SLC49A4: variants seen among roughly 807,000 people sequenced by gnomAD.
SLC49A4 encodes the protein solute carrier family 49 member 4.
SLC49A4 carries 36 observed loss-of-function variants against 50.6 expected under a neutral mutation model. The observed-to-expected ratio is 0.71, with a 90% CI of 0.55 to 0.94. The LOEUF (loss-of-function observed/expected upper bound fraction) is 0.94, where lower values mean the gene tolerates loss of function less well. Among genes scored for constraint, SLC49A4 ranks in the 40% least tolerant of loss-of-function variants. The probability of loss-of-function intolerance (pLI) is 0.00; values close to 1 mark genes in which losing one functional copy is unlikely to be tolerated. For synonymous variants in SLC49A4, 248 were observed against 241.2 expected, an observed-to-expected ratio of 1.03 and a Z score of -0.26; for missense variants, 503 against 605.7, an observed-to-expected ratio of 0.83 and a Z score of 1.78.
chr3:122,863,484 G>A (rs1403082448), intron 7 of SLC49A4, among the ~76,000 whole-genome samples: 4 of 152,172 alleles, frequency 2.6e-5, no homozygotes, highest in Admixed American at 2.6e-4. Flanking sequence ...AAGGTAGAAG[G>A]GCATGTTTTA....
chr3:122,823,389 G>T (rs982794730), intron 2 of SLC49A4, among the ~76,000 whole-genome samples: 2 of 152,238 alleles, frequency 1.3e-5, no homozygotes, highest in African/African-American at 4.8e-5. Context: ...GACATGCAGA[G>T]ACCTCCATCT....
intron 2 of SLC49A4, among the ~76,000 whole-genome samples, chr3:122,823,744 G>T (rs776577618): frequency 3.4e-4 from 51 of 152,036 alleles, no homozygotes; most frequent in Non-Finnish European, 5.3e-4. Flanking sequence ...TCTCTAATTT[G>T]CATTCCTATT....
At chr3:122,815,596 C>T (rs954726999) in intron 2 of SLC49A4, among the ~76,000 whole-genome samples, 1 of 152,194 alleles carries the variant, frequency 6.6e-6, no homozygotes, top group Non-Finnish European at 1.5e-5. Flanking sequence ...CCATGCACTC[C>T]CCTCTTCCCA....
chr3:122,844,571 C>T (rs941691377), intron 4 of SLC49A4, among the ~76,000 whole-genome samples: 1 of 152,150 alleles, frequency 6.6e-6, no homozygotes, highest in Non-Finnish European at 1.5e-5. Flanking sequence ...CATCTGAGGT[C>T]AGGAGTTCGA....
chr3:122,856,633 T>TC (rs1247867916), intron 6 of SLC49A4, among the ~76,000 whole-genome samples: 2 of 151,944 alleles, frequency 1.3e-5, no homozygotes, highest in Non-Finnish European at 1.5e-5. Flanking sequence ...GGTCAGGAGT[T>TC]CAAGACCAGC....
chr3:122,845,568 T>C (rs1936835410), intron 4 of SLC49A4, among the ~76,000 whole-genome samples, 195 bp from the exon 5 acceptor site: 1 of 151,718 alleles, frequency 6.6e-6, no homozygotes, highest in Non-Finnish European at 1.5e-5. Context: ...CAACCAGCAG[T>C]ATATATGCGT....
chr3:122,843,532 A>T (rs1936804275), intron 4 of SLC49A4, among the ~76,000 whole-genome samples: 1 of 152,268 alleles, frequency 6.6e-6, no homozygotes, highest in Middle Eastern at 3.2e-3. Context: ...TTAAATTTTC[A>T]ATTATCTCAT....
rs1305058598 is a variant in SLC49A4 at position 122,795,164 on chromosome 3, G to A, written c.-29G>A. 37 of 1,312,838 alleles carry A rather than the reference G, an allele frequency of 2.8e-5. No homozygotes were observed. Among genetic ancestry groups the A allele is most frequent in the Non-Finnish European group, 3.3e-5 (34 of 1,040,244 alleles). The allele number at this position is 1,312,838 out of a possible 1,614,324, so 81.3% of individuals were successfully genotyped here. ...GTCGGCGGTGACCCGGACTGCGCCC[G>A]GCAGTGGCTTCGCGGGCGACGCGTC... On this transcript the variant is annotated 5_prime_UTR_variant, in exon 1 of 9. Transcript: ENST00000261038.
intron 1 of SLC49A4, among the ~76,000 whole-genome samples, chr3:122,804,101 G>C (rs1376157035): frequency 6.6e-6 from 1 of 152,216 alleles, no homozygotes; most frequent in Non-Finnish European, 1.5e-5. Flanking sequence ...GGTTTTACAG[G>C]AAACATGGTG....
rs146014930 is a variant in SLC49A4 at position 122,818,997 on chromosome 3, T to C, written c.438-7803T>C. On this transcript the variant is annotated intron_variant, in intron 2 of 8. Transcript: ENST00000261038. ...GGCCAGCCTCTGTGGCTTATGCCTA[T>C]AATCCTAGCACTTTCGGAGGCCAAG... is the stretch of plus-strand genomic sequence containing the variant. Among the ~76,000 whole-genome samples the C allele has an allele frequency of 2.0e-5, 3 of 151,858 alleles. No homozygotes were observed. The East Asian group carries it at 5.8e-4, about 29-fold the overall frequency.
chr3:122,852,668 G>A (rs1166779879), intron 5 of SLC49A4, among the ~76,000 whole-genome samples: 2 of 152,076 alleles, frequency 1.3e-5, no homozygotes, highest in Non-Finnish European at 2.9e-5. Flanking sequence ...TCCATTTCTA[G>A]TTCCTCCTGC....
At chr3:122,860,033 T>C in intron 6 of SLC49A4, 42 bp from the exon 7 acceptor site, 1 of 1,528,860 alleles carries the variant, frequency 6.5e-7, no homozygotes, top group Non-Finnish European at 8.8e-7. Flanking sequence ...TAAATAGTAT[T>C]TTTAAATCCC....
At chr3:122,864,611 G>A (rs1298996581) in intron 7 of SLC49A4, among the ~76,000 whole-genome samples, 1 of 152,188 alleles carries the variant, frequency 6.6e-6, no homozygotes, top group Admixed American at 6.5e-5. Context: ...TGCTGGATGG[G>A]GGAGTAAGGA....
chr3:122,800,069 T>G (rs1936109357), intron 1 of SLC49A4, among the ~76,000 whole-genome samples: 1 of 152,276 alleles, frequency 6.6e-6, no homozygotes, highest in South Asian at 2.1e-4. Context: ...TTGGGAGTTG[T>G]CAGCCTACAA....
At chr3:122,838,632 A>C (rs1936726192) in intron 4 of SLC49A4, among the ~76,000 whole-genome samples, 2 of 152,054 alleles carry the variant, frequency 1.3e-5, no homozygotes, top group South Asian at 4.1e-4. Flanking sequence ...GGTGCAGCAC[A>C]CCAACATGGC....
Position 122,856,375 on chromosome 3 carries a change from G to C in SLC49A4, c.1010+1G>C. The stretch of plus-strand genomic sequence containing the variant: ...GTGTTGTTGGAATAGCTATGGCAAG[G>C]TGAGAATATTTTGTTAAACTTGTGA... On this transcript the variant is annotated splice_donor_variant, in intron 6 of 8. Coordinates refer to ENST00000261038, the MANE Select transcript of SLC49A4 (RefSeq NM_032839.3). LOFTEE classifies it high-confidence loss of function. The C allele has an allele frequency of 6.2e-7, 1 of 1,613,854 alleles. No homozygotes were observed. The highest frequency in any genetic ancestry group is 8.5e-7 in the Non-Finnish European group (1 of 1,179,842).
intron 2 of SLC49A4, among the ~76,000 whole-genome samples, chr3:122,826,332 G>A (rs1416391547): frequency 6.6e-6 from 1 of 152,200 alleles, no homozygotes; most frequent in Non-Finnish European, 1.5e-5. Flanking sequence ...TTAATGAGTG[G>A]CAGTCTAGTA....
At position 122,856,333 on chromosome 3, in the gene SLC49A4, G is replaced by A; in HGVS notation, c.969G>A (p.Trp323Ter). The change falls in exon 6 of 9, where the codon TGG (tryptophan) becomes TGA (stop). Residue 323 changes from tryptophan to a stop codon, truncating the protein, a stop_gained. Coordinates refer to ENST00000261038, the MANE Select transcript of SLC49A4 (RefSeq NM_032839.3). LOFTEE classifies it high-confidence loss of function. ...TAGATGCTGGCTGGATTGGATTTTG[G>A]TCCATAGTTGGAGGCTGTGTTGTTG... ...SQVDAGWIGF[W>*]SIVGGCVVGI... 6.2e-7 allele frequency: 1 copy of A among 1,613,962 alleles called. No homozygotes were observed. Among genetic ancestry groups the A allele is most frequent in the Non-Finnish European group, 8.5e-7 (1 of 1,179,942 alleles).
intron 2 of SLC49A4, among the ~76,000 whole-genome samples, chr3:122,824,424 C>G (rs1936494872): frequency 6.6e-6 from 1 of 152,168 alleles, no homozygotes; most frequent in Admixed American, 6.6e-5. Context: ...CACACATTCT[C>G]TGACTCTTAG....
Sources: gnomAD v4.1 joint callset for allele counts (sites outside exome capture counted in the v4.1 genomes callset) on GRCh38, gnomAD v4.1.1 for gene constraint, MANE v1.5 for transcripts, NCBI Gene and HGNC (gene_info 2026-07-23, HGNC 2026-07-21) for gene names.